The following CTNNA2 variants were observed in gnomAD, a reference collection of about 807,000 sequenced individuals.
CTNNA2 encodes catenin alpha 2.
In CTNNA2, 42 loss-of-function variants were observed where a neutral mutation model predicts 101.0. That is an observed-to-expected ratio of 0.42 (90% CI 0.32 to 0.54). CTNNA2 has a LOEUF of 0.54. CTNNA2 is among the 20% of genes least tolerant of loss of function. The probability of loss-of-function intolerance (pLI) is 0.14; values close to 1 mark genes in which losing one functional copy is unlikely to be tolerated. For synonymous variants in CTNNA2, 450 were observed against 456.4 expected (o/e 0.99, Z 0.18); for missense variants, 871 against 1,223.1 (o/e 0.71, Z 4.29).
At chr2:79,839,754 G>C (rs1679663144) in intron 3 of CTNNA2, among the ~76,000 whole-genome samples, 1 of 151,690 alleles carries the variant, frequency 6.6e-6, no homozygotes, top group Non-Finnish European at 1.5e-5. Context: ...ATTTGATTCA[G>C]AGTATCATGT....
chr2:80,106,195 A>T (rs536717793), intron 7 of CTNNA2, among the ~76,000 whole-genome samples: 26 of 152,122 alleles, frequency 1.7e-4, no homozygotes, highest in African/African-American at 6.0e-4. Flanking sequence ...CACACGTCAA[A>T]TGTATAGGAA....
chr2:80,155,966 C>G (rs1382280229), intron 7 of CTNNA2, among the ~76,000 whole-genome samples: 4 of 152,110 alleles, frequency 2.6e-5, no homozygotes, highest in African/African-American at 4.8e-5. Context: ...CCACTATTGC[C>G]CAGATATTAG....
intron 7 of CTNNA2, among the ~76,000 whole-genome samples, chr2:80,268,732 T>G (rs1673212305): frequency 6.6e-6 from 1 of 152,208 alleles, no homozygotes; most frequent in Non-Finnish European, 1.5e-5. Context: ...TCTGAATCAT[T>G]GGTATGGGAT....
rs146412806 is a variant in CTNNA2, at chr2:79,551,613, A to C, written c.-6+38406A>C. ...TTCAGGGTGTATTAAGCCATTCTCA[A>C]ATTGCTATAAAGAATTACCTGTGAC... is the stretch of plus-strand genomic sequence containing the variant. On this transcript the variant is annotated intron_variant, in intron 1 of 18. Coordinates refer to ENST00000402739, the MANE Select transcript of CTNNA2 (RefSeq NM_001282597.3). 1.1e-4 allele frequency among the ~76,000 whole-genome samples: 16 copies of C among 152,262 alleles called. No homozygotes were observed. In the East Asian group the frequency reaches 2.7e-3, roughly 26 times the overall value.
At chr2:80,323,951 A>G (rs1678982016) in intron 7 of CTNNA2, among the ~76,000 whole-genome samples, 1 of 152,178 alleles carries the variant, frequency 6.6e-6, no homozygotes, top group South Asian at 2.1e-4. Flanking sequence ...ATAATGTTTA[A>G]TGACCTCTTT....
intron 2 of CTNNA2, among the ~76,000 whole-genome samples, chr2:79,213,210 T>A (rs1045152494): frequency 1.3e-5 from 2 of 152,202 alleles, no homozygotes; most frequent in Non-Finnish European, 1.5e-5. Context: ...AGCTATCTTA[T>A]CAGCATAAGC....
intron 9 of CTNNA2, among the ~76,000 whole-genome samples, chr2:80,512,594 G>C (rs1573088216): frequency 1.3e-5 from 2 of 152,048 alleles, no homozygotes; most frequent in Non-Finnish European, 2.9e-5. Flanking sequence ...TTTAATTCTG[G>C]ATAGCATTTT....
In CTNNA2 at chr2:80,159,896, C is replaced by G. The variant is rs919698817; in HGVS notation, c.1057-233315C>G. Among the ~76,000 whole-genome samples the G allele has an allele frequency of 2.6e-5, 4 of 152,164 alleles. No individual in the cohort carries two copies. In the East Asian group the frequency reaches 5.8e-4, roughly 22 times the overall value. On this transcript the variant is annotated intron_variant, in intron 7 of 18. Transcript: ENST00000402739. ...GTTTTTGGTGTCAAGTCTAAGAACT[C>G]CTTTCCTAGTCCTAGATCCTAAAAA...
rs575456819 is a variant in CTNNA2, at chr2:80,617,004, TCA to T, written c.2431-2080_2431-2079del. 5.2e-4 allele frequency among the ~76,000 whole-genome samples: 79 copies of T among 151,790 alleles called. No homozygotes were observed. The South Asian group carries it at 0.013, about 25-fold the overall frequency. ...AGAAATGCCAATAGACAATCTAAGT[TCA>T]GTTTGTTTTATTTCAATATTTTAAA... On this transcript the variant is annotated intron_variant, in intron 17 of 18. Transcript: ENST00000402739.
intron 2 of CTNNA2, among the ~76,000 whole-genome samples, chr2:79,686,266 G>A (rs778500410): frequency 6.6e-5 from 10 of 152,096 alleles, no homozygotes; most frequent in Non-Finnish European, 1.3e-4. Flanking sequence ...TTTGTTCAAG[G>A]GTTCAACTCA....
chr2:79,234,127 T>C (rs888131396), intron 2 of CTNNA2, among the ~76,000 whole-genome samples: 3 of 151,632 alleles, frequency 2.0e-5, no homozygotes, highest in African/African-American at 7.3e-5. Context: ...GTAGTTTCTT[T>C]TTATTGTTGG....
intron 7 of CTNNA2, among the ~76,000 whole-genome samples, chr2:80,343,202 C>T (rs1462500218): frequency 2.0e-5 from 3 of 152,128 alleles, no homozygotes; most frequent in African/African-American, 7.2e-5. Flanking sequence ...TGGAGAGACA[C>T]AATTCAATCC....
At chr2:80,172,710 C>G (rs1161469312) in intron 7 of CTNNA2, among the ~76,000 whole-genome samples, 2 of 152,174 alleles carry the variant, frequency 1.3e-5, no homozygotes, top group Non-Finnish European at 2.9e-5. Flanking sequence ...TCTATTGTCT[C>G]TGAGGGAGAA....
intron 1 of CTNNA2, among the ~76,000 whole-genome samples, chr2:79,538,572 T>A (rs1220602766): frequency 6.6e-6 from 1 of 152,008 alleles, no homozygotes; most frequent in Non-Finnish European, 1.5e-5. Context: ...TCGAGCAGAT[T>A]TTGAGAGTGG....
At chr2:79,728,715 T>C (rs9749942) in intron 2 of CTNNA2, among the ~76,000 whole-genome samples, 65,094 of 152,034 alleles carry the variant, frequency 0.43, 15,781 homozygotes, top group African/African-American at 0.67. Context: ...TTAGGTCTAA[T>C]GCTTAAGTCT....
intron 4 of CTNNA2, among the ~76,000 whole-genome samples, chr2:79,503,595 A>G (rs1671350174): frequency 6.6e-6 from 1 of 152,212 alleles, no homozygotes. Context: ...CTGAGAGACA[A>G]TAATTTACAA....
chr2:79,514,946 A>C (rs1325832757), intron 1 of CTNNA2, among the ~76,000 whole-genome samples: 3 of 152,118 alleles, frequency 2.0e-5, no homozygotes, highest in African/African-American at 7.2e-5. Flanking sequence ...GCAGTTTTGC[A>C]TTTTATGGGA....
chr2:79,733,204 T>C (rs907931940), intron 2 of CTNNA2, among the ~76,000 whole-genome samples: 1 of 152,108 alleles, frequency 6.6e-6, no homozygotes, highest in South Asian at 2.1e-4. Context: ...TTTTTAAAGA[T>C]TTGCAAGTCA....
chr2:79,570,678 G>A (rs1264788464), intron 1 of CTNNA2, among the ~76,000 whole-genome samples: 1 of 151,944 alleles, frequency 6.6e-6, no homozygotes, highest in Non-Finnish European at 1.5e-5. Context: ...ATAACATTTA[G>A]CTATAAATTT....
Sources: gnomAD v4.1 joint callset for allele counts (sites outside exome capture counted in the v4.1 genomes callset) on GRCh38, gnomAD v4.1.1 for gene constraint, MANE v1.5 for transcripts, NCBI Gene and HGNC (gene_info 2026-07-23, HGNC 2026-07-21) for gene names.